The following CDK13 variants were observed in gnomAD, a reference collection of about 807,000 sequenced individuals.
CDK13 encodes the protein cyclin dependent kinase 13.
CDK13 carries 40 observed loss-of-function variants against 137.6 expected under a neutral mutation model. That is an observed-to-expected ratio of 0.29 (90% confidence interval 0.23 to 0.38). CDK13 has a LOEUF of 0.38. CDK13 is among the 10% of genes least tolerant of loss of function. CDK13 has a pLI of 1.00. For synonymous variants in CDK13, 869 were observed against 760.1 expected, an observed-to-expected ratio of 1.14 and a Z score of -2.36; for missense variants, 1,704 against 1,951.8, an observed-to-expected ratio of 0.87 and a Z score of 2.39.
intron 9 of CDK13, among the ~76,000 whole-genome samples, chr7:40,075,438 A>G (rs529520022): frequency 1.3e-5 from 2 of 152,178 alleles, no homozygotes; most frequent in African/African-American, 4.8e-5. Context: ...ATCACATATG[A>G]TAAAATAATT....
chr7:40,009,528 A>G (rs557807189), intron 5 of CDK13, among the ~76,000 whole-genome samples: 1 of 152,336 alleles, frequency 6.6e-6, no homozygotes, highest in South Asian at 2.1e-4. Flanking sequence ...CAATCCTAGC[A>G]GTCAGTGGGT....
intron 5 of CDK13, among the ~76,000 whole-genome samples, chr7:40,028,436 T>G (rs1785293663): frequency 6.6e-6 from 1 of 152,050 alleles, no homozygotes; most frequent in African/African-American, 2.4e-5. Context: ...GCCAGGATGG[T>G]CTTAATCTCT....
chr7:39,978,187 A>T (rs1193874425), intron 1 of CDK13, among the ~76,000 whole-genome samples: 3 of 152,196 alleles, frequency 2.0e-5, no homozygotes, highest in African/African-American at 2.4e-5. Context: ...GAGAATGAAT[A>T]TAGGAAGGAA....
chr7:39,950,354 C>T lies in CDK13; in HGVS notation c.-288C>T. 1.7e-6 allele frequency: 2 copies of T among 1,186,112 alleles called. No homozygotes were observed. The highest frequency in any genetic ancestry group is 6.6e-4 in the Middle Eastern group (2 of 3,010). The allele number at this position is 1,186,112 out of a possible 1,614,324, so 73.5% of individuals were successfully genotyped here. ...CTCGGGACTCCCCCGCAGGTCAGCG[C>T]CCGGCGCATCTGGTGTTTTCGCTGC... is the stretch of plus-strand genomic sequence containing the variant. On this transcript the variant is annotated 5_prime_UTR_variant, in exon 1 of 14. Transcript: ENST00000181839.
rs1787086786 is a variant in CDK13 at position 40,098,430 on chromosome 7, T to C, written c.*3450T>C. 6.6e-6 allele frequency: 1 copy of C among 151,894 alleles called. No homozygotes were observed. Among genetic ancestry groups the C allele is most frequent in the Admixed American group, 6.6e-5 (1 of 15,226 alleles). 9.4% of individuals were successfully genotyped at this position (151,894 alleles called of 1,614,324 possible). A position where few individuals can be genotyped will look rare whatever the true frequency, so the allele number is the denominator to read the frequency against. On this transcript the variant is annotated 3_prime_UTR_variant, in exon 14 of 14. Coordinates refer to ENST00000181839, the MANE Select transcript of CDK13 (RefSeq NM_003718.5). Reference sequence around the variant, plus strand: ...GGACTTGCTTTCTTTTCCAAAAAGGTGAATCCTTCTTGTAGGACATAGGTA... The same window carrying C: ...GGACTTGCTTTCTTTTCCAAAAAGGCGAATCCTTCTTGTAGGACATAGGTA...
chr7:40,057,889 C>T (rs1054899206), intron 7 of CDK13, among the ~76,000 whole-genome samples: 1 of 152,014 alleles, frequency 6.6e-6, no homozygotes, highest in African/African-American at 2.4e-5. Context: ...GGGGAAAGAA[C>T]ATGAGAGAAA....
intron 5 of CDK13, among the ~76,000 whole-genome samples, chr7:40,017,849 G>T (rs950861233): frequency 6.6e-6 from 1 of 151,166 alleles, no homozygotes; most frequent in South Asian, 2.1e-4. Context: ...GTTTGAAAAA[G>T]TATTCAGGTA....
Position 40,094,761 on chromosome 7 carries a change from C to T in CDK13, c.4320C>T (p.Ser1440=), listed in dbSNP as rs1787008480. 6.2e-7 allele frequency: 1 copy of T among 1,613,132 alleles called. No individual in the cohort carries two copies. The highest frequency in any genetic ancestry group is 8.5e-7 in the Non-Finnish European group (1 of 1,179,566). Residue 1440 remains serine (S), a synonymous_variant, in exon 14 of 14, where the codon AGC becomes AGT. Coordinates refer to ENST00000181839, the MANE Select transcript of CDK13 (RefSeq NM_003718.5). Reference sequence around the variant, plus strand: ...GTCCTATTGCAGTCCTGGCAAACAGCAGTGACCCTTCCACGGGGCCAGAGA... The same window carrying T: ...GTCCTATTGCAGTCCTGGCAAACAGTAGTGACCCTTCCACGGGGCCAGAGA... ...SHGPIAVLAN[S]SDPSTGPEST... is the part of the protein sequence containing the mutation.
At chr7:40,051,606 A>C (rs1161605983) in intron 7 of CDK13, among the ~76,000 whole-genome samples, 1 of 152,214 alleles carries the variant, frequency 6.6e-6, no homozygotes, top group Admixed American at 6.5e-5. Context: ...GAATTGTTCA[A>C]GAATTTTGTG....
Position 39,974,006 on chromosome 7 carries a change from A to G in CDK13, c.1212-13593A>G, listed in dbSNP as rs1784053938. Among the ~76,000 whole-genome samples, 3 of 152,196 alleles carry G rather than the reference A, an allele frequency of 2.0e-5. No homozygotes were observed. In the South Asian group the frequency reaches 6.2e-4, roughly 32 times the overall value. On this transcript the variant is annotated intron_variant, in intron 1 of 13. Transcript: ENST00000181839. Reference sequence around the variant, plus strand: ...CTCTGATTTTGCAGTAATTTTTGAAATCAGGAAGTGTGAATCTTCCAACTT... The same window carrying G: ...CTCTGATTTTGCAGTAATTTTTGAAGTCAGGAAGTGTGAATCTTCCAACTT...
intron 5 of CDK13, among the ~76,000 whole-genome samples, chr7:40,018,866 T>G (rs1785056311): frequency 6.6e-6 from 1 of 152,152 alleles, no homozygotes; most frequent in Non-Finnish European, 1.5e-5. Context: ...AAACCACTTG[T>G]ACCCCTAAAG....
At chr7:39,982,313 G>A (rs1026012258) in intron 1 of CDK13, among the ~76,000 whole-genome samples, 39 of 151,926 alleles carry the variant, frequency 2.6e-4, no homozygotes, top group African/African-American at 9.0e-4. Flanking sequence ...ATGATTTCCA[G>A]TTTCATCCAT....
chr7:40,026,689 C>T (rs1036573227), intron 5 of CDK13, among the ~76,000 whole-genome samples: 2 of 152,290 alleles, frequency 1.3e-5, no homozygotes, highest in South Asian at 4.1e-4. Flanking sequence ...GTTGGAAAGG[C>T]AGATGGTAGA....
intron 1 of CDK13, among the ~76,000 whole-genome samples, chr7:39,979,212 T>C (rs113468967): frequency 2.0e-4 from 25 of 123,780 alleles, no homozygotes; most frequent in African/African-American, 9.1e-4. Context: ...TCTTTCTTTT[T>C]TTTCTTTTTT....
chr7:39,956,302 A>G (rs1327183704), intron 1 of CDK13, among the ~76,000 whole-genome samples: 2 of 152,212 alleles, frequency 1.3e-5, no homozygotes, highest in Non-Finnish European at 2.9e-5. Flanking sequence ...CATTATTTTC[A>G]TTCTCAAAGT....
chr7:40,034,716 A>G (rs1405180254), intron 5 of CDK13, among the ~76,000 whole-genome samples: 2 of 152,208 alleles, frequency 1.3e-5, no homozygotes, highest in East Asian at 3.8e-4. Flanking sequence ...TTTTAATAAT[A>G]CATATTGTCT....
intron 5 of CDK13, among the ~76,000 whole-genome samples, chr7:40,022,120 A>C (rs973014317): frequency 1.8e-4 from 27 of 152,214 alleles, no homozygotes; most frequent in African/African-American, 6.5e-4. Context: ...GGAGGTCTTA[A>C]GTTTTCAGCA....
intron 9 of CDK13, among the ~76,000 whole-genome samples, chr7:40,064,176 TG>T (rs1186097998): frequency 6.7e-6 from 1 of 148,886 alleles, no homozygotes. Flanking sequence ...CCCAACTACT[TG>T]GGAGGCTGAG....
At chr7:39,999,910 C>T (rs1028637672) in intron 4 of CDK13, among the ~76,000 whole-genome samples, 9 of 151,988 alleles carry the variant, frequency 5.9e-5, no homozygotes, top group African/African-American at 1.9e-4. Context: ...AGTAACTATC[C>T]TTGGAGGCCA....
Sources: gnomAD v4.1 joint callset for allele counts (sites outside exome capture counted in the v4.1 genomes callset) on GRCh38, gnomAD v4.1.1 for gene constraint, MANE v1.5 for transcripts, NCBI Gene and HGNC (gene_info 2026-07-23, HGNC 2026-07-21) for gene names.